The following TLL2 variants were observed in gnomAD, a reference collection of about 807,000 sequenced individuals.
TLL2 encodes the protein tolloid-like protein 2.
Under a neutral mutation model 123.0 loss-of-function variants are expected in TLL2, and 106 were observed. That is an observed-to-expected ratio of 0.86 (90% CI 0.74 to 1.01). The LOEUF is 1.01. Among genes scored for constraint, TLL2 ranks in the 50% least tolerant of loss-of-function variants. TLL2 has a pLI of 0.00. For missense variants in TLL2, 1,332 were observed against 1,336.7 expected, an observed-to-expected ratio of 1.00 and a Z score of 0.06; for synonymous variants, 494 against 516.8, an observed-to-expected ratio of 0.96 and a Z score of 0.60.
chr10:96,410,347 C>A lies in TLL2; in HGVS notation c.1164+12G>T. ...AGTGCCGTCCCATTTGCCAAGGGGG[C>A]TTCCCACCTACCTTTTCCCCTGGGG... On this transcript the variant is annotated intron_variant, in intron 9 of 20. Coordinates refer to ENST00000357947, the MANE Select transcript of TLL2 (RefSeq NM_012465.4). 6.2e-7 allele frequency: 1 copy of A among 1,607,076 alleles called. No individual in the cohort carries two copies. The highest frequency in any genetic ancestry group is 8.5e-7 in the Non-Finnish European group (1 of 1,175,308).
chr10:96,458,542 GC>G, intron 2 of TLL2, among the ~76,000 whole-genome samples: 2 of 130,254 alleles, frequency 1.5e-5, no homozygotes, highest in South Asian at 5.0e-4. Context: ...AGCCGAGATT[GC>G]GCCATTGCAC....
chr10:96,447,656 G>C (rs1846911603), intron 2 of TLL2, among the ~76,000 whole-genome samples: 1 of 152,122 alleles, frequency 6.6e-6, no homozygotes, highest in South Asian at 2.1e-4. Context: ...GTCCAGGAGA[G>C]ACTATTACAC....
At chr10:96,507,391 T>G (rs1180915840) in intron 1 of TLL2, among the ~76,000 whole-genome samples, 5 of 152,146 alleles carry the variant, frequency 3.3e-5, no homozygotes. Flanking sequence ...CACCCTTCAC[T>G]ACTTTTGAGA....
intron 2 of TLL2, among the ~76,000 whole-genome samples, chr10:96,449,162 G>A (rs533727911): frequency 6.6e-6 from 1 of 152,312 alleles, no homozygotes; most frequent in South Asian, 2.1e-4. Flanking sequence ...AACGGACCAT[G>A]AACAGATTAG....
At chr10:96,373,518 C>T in intron 19 of TLL2, 78 bp downstream of exon 19, 1 of 1,381,066 alleles carries the variant, frequency 7.2e-7, no homozygotes, top group South Asian at 1.2e-5. Flanking sequence ...AAAAGGCAGT[C>T]CTTGTCGTGC....
In TLL2 at chr10:96,413,252, G is replaced by A. The variant is rs1024916154; in HGVS notation, c.988C>T (p.Gln330Ter). 6.2e-7 allele frequency: 1 copy of A among 1,614,164 alleles called. No individual in the cohort carries two copies. The highest frequency in any genetic ancestry group is 1.7e-5 in the Admixed American group (1 of 60,028). ...TCTCCCTGACTGAGCCGCACGCGCT[G>A]GCCAATGGTTGGCCTGACGCCATTG... ...DDNGVRPTIG[Q>*]RVRLSQGDIA... is the part of the protein sequence containing the mutation. Residue 330 changes from glutamine to a stop codon, truncating the protein, a stop_gained, in exon 8 of 21, where the codon CAG becomes TAG. Transcript: ENST00000357947. LOFTEE classifies it high-confidence loss of function.
chr10:96,413,548 T>A (rs1041895442), intron 7 of TLL2, among the ~76,000 whole-genome samples: 1 of 152,146 alleles, frequency 6.6e-6, no homozygotes, highest in Non-Finnish European at 1.5e-5. Flanking sequence ...CTCTGCCAAG[T>A]GTAAAAATAT....
chr10:96,510,335 C>G (rs1234376880), intron 1 of TLL2, among the ~76,000 whole-genome samples: 2 of 152,136 alleles, frequency 1.3e-5, no homozygotes, highest in Non-Finnish European at 2.9e-5. Flanking sequence ...AGAACACCCC[C>G]CAGAAGCCCC....
chr10:96,403,613 G>A (rs957323461), intron 10 of TLL2, among the ~76,000 whole-genome samples: 1 of 152,124 alleles, frequency 6.6e-6, no homozygotes, highest in Non-Finnish European at 1.5e-5. Context: ...GCGGGGTATT[G>A]TCTCCCCATG....
chr10:96,432,683 C>T (rs1846756277), intron 4 of TLL2, 124 bp downstream of exon 4: 3 of 1,266,916 alleles, frequency 2.4e-6, no homozygotes, highest in Non-Finnish European at 3.3e-6. Flanking sequence ...GGGGCATCAT[C>T]TGTAGGCCTG....
intron 1 of TLL2, among the ~76,000 whole-genome samples, chr10:96,495,875 C>T (rs974423108): frequency 2.0e-5 from 3 of 152,056 alleles, no homozygotes; most frequent in African/African-American, 7.2e-5. Flanking sequence ...CTCAAGCATA[C>T]GGCAGAGAGG....
rs1258200250 is a variant in TLL2 at position 96,428,726 on chromosome 10, C to A, written c.543G>T (p.Lys181Asn). ...GCTTCTCCCAGTGTCTCATGGCCTG[C>A]TTAAAAATGGCCCTCTGGCTCCCTG... ...NFTGSQRAIF[K>N]QAMRHWEKHT... Residue 181 changes from lysine (K) to asparagine (N), a missense_variant, in exon 5 of 21, where the codon AAG (lysine) becomes AAT (asparagine). Coordinates refer to ENST00000357947, the MANE Select transcript of TLL2 (RefSeq NM_012465.4). 1 of 1,613,290 alleles carries A rather than the reference C, an allele frequency of 6.2e-7. No homozygotes were observed. The highest frequency in any genetic ancestry group is 8.5e-7 in the Non-Finnish European group (1 of 1,179,574).
chr10:96,373,767 A>G lies in TLL2; in HGVS notation c.2491T>C (p.Tyr831His), dbSNP rs762374927. The change falls in exon 19 of 21, where the codon TAT (tyrosine) becomes CAT (histidine). Residue 831 changes from tyrosine to histidine, a missense_variant. Transcript: ENST00000357947. ...FEIEQHQECA[Y>H]DHLEMYDGPD... is the part of the protein sequence containing the mutation. Reference sequence around the variant, plus strand: ...CCGTCATACATTTCCAGGTGGTCATAGGCACATTCCTGGTGCTGCTCGATC... The same window carrying G: ...CCGTCATACATTTCCAGGTGGTCATGGGCACATTCCTGGTGCTGCTCGATC... The G allele has an allele frequency of 3.7e-6, 6 of 1,614,104 alleles. No individual in the cohort carries two copies. The highest frequency in any genetic ancestry group is 4.2e-6 in the Non-Finnish European group (5 of 1,180,060).
chr10:96,382,937 T>A (rs900521557), intron 16 of TLL2, among the ~76,000 whole-genome samples: 2 of 152,092 alleles, frequency 1.3e-5, no homozygotes, highest in Non-Finnish European at 2.9e-5. Context: ...AGTGGCATTG[T>A]GGGTCTTCAG....
At chr10:96,435,727 C>T (rs1406597019) in intron 3 of TLL2, among the ~76,000 whole-genome samples, 1 of 152,154 alleles carries the variant, frequency 6.6e-6, no homozygotes, top group Admixed American at 6.5e-5. Flanking sequence ...AGTTTTTCTC[C>T]ATGGAATTGT....
intron 2 of TLL2, among the ~76,000 whole-genome samples, chr10:96,478,438 C>A (rs751121049): frequency 6.6e-6 from 1 of 152,218 alleles, no homozygotes; most frequent in African/African-American, 2.4e-5. Context: ...TACCTACTAA[C>A]GCTGAACTGT....
At chr10:96,464,755 G>A (rs556628360) in intron 2 of TLL2, among the ~76,000 whole-genome samples, 1 of 152,220 alleles carries the variant, frequency 6.6e-6, no homozygotes, top group Non-Finnish European at 1.5e-5. Flanking sequence ...CATAATACAT[G>A]TTTTCAAATA....
chr10:96,368,447 C>T (rs1434758698), intron 20 of TLL2, among the ~76,000 whole-genome samples: 1 of 152,186 alleles, frequency 6.6e-6, no homozygotes, highest in African/African-American at 2.4e-5. Context: ...GTGCATAGCT[C>T]ATATAGAATC....
At chr10:96,473,487 G>T (rs1404694537) in intron 2 of TLL2, among the ~76,000 whole-genome samples, 2 of 152,092 alleles carry the variant, frequency 1.3e-5, no homozygotes. Context: ...CAGAGACAGG[G>T]CCCAGAGAGG....
Sources: allele counts gnomAD v4.1 joint callset (sites outside exome capture counted in the v4.1 genomes callset), GRCh38; gene constraint gnomAD v4.1.1; transcripts MANE v1.5; gene names NCBI Gene and HGNC (gene_info 2026-07-23, HGNC 2026-07-21).